The following LMO7 variants were observed in gnomAD, a reference collection of about 807,000 sequenced individuals.
The protein encoded by LMO7 is LIM domain 7.
In LMO7, 120 loss-of-function variants were observed where a neutral mutation model predicts 206.5. The ratio of observed to expected loss-of-function variants is 0.58; its 90% CI spans 0.50 to 0.68. The LOEUF (loss-of-function observed/expected upper bound fraction) is 0.68. LMO7 is among the 30% of genes least tolerant of loss of function. The pLI is 0.00. For synonymous variants in LMO7, 706 were observed against 681.5 expected (o/e 1.04, Z -0.56); for missense variants, 1,959 against 1,957.9 (o/e 1.00, Z -0.01).
chr13:75,636,854 C>G, intron 1 of LMO7, 128 bp downstream of exon 1: 2 of 926,324 alleles, frequency 2.2e-6, no homozygotes, highest in South Asian at 2.8e-5. Context: ...CGTGAACAAG[C>G]TGGTTTGCTT....
intron 1 of LMO7, among the ~76,000 whole-genome samples, chr13:75,645,722 T>C (rs2036948879): frequency 6.6e-6 from 1 of 152,224 alleles, no homozygotes; most frequent in South Asian, 2.1e-4. Flanking sequence ...AAGCATCAGA[T>C]AGAGTTGGTG....
chr13:75,647,951 C>CTTTCTTTTTTTTTT (rs1555286938), intron 1 of LMO7, among the ~76,000 whole-genome samples: 3 of 91,126 alleles, frequency 3.3e-5, no homozygotes, highest in Non-Finnish European at 6.1e-5. Flanking sequence ...TCTTTTCTTT[C>CTTTCTTTTTTTTTT]TTTTTTTTTT....
chr13:75,835,340 GT>G lies in LMO7; in HGVS notation c.3333+2del. The G allele has an allele frequency of 6.3e-7, 1 of 1,588,530 alleles. No homozygotes were observed. Among genetic ancestry groups the G allele is most frequent in the Non-Finnish European group, 8.6e-7 (1 of 1,165,678 alleles). ...TTTCTCCGAAAGCCTTCAGAGTTCT[GT>G]GAGTATTTGGAGAAGTAGGAAGTAC... On this transcript the variant is annotated splice_donor_variant, in intron 18 of 30. Coordinates refer to ENST00000377534, the MANE Select transcript of LMO7 (RefSeq NM_001306080.2). LOFTEE classifies it high-confidence loss of function.
At chr13:75,643,405 C>G (rs1280574109) in intron 1 of LMO7, among the ~76,000 whole-genome samples, 2 of 152,204 alleles carry the variant, frequency 1.3e-5, no homozygotes, top group African/African-American at 4.8e-5. Flanking sequence ...TAGTTAGCAT[C>G]TGCTGATTGA....
chr13:75,646,488 G>A (rs2037020300), intron 1 of LMO7, among the ~76,000 whole-genome samples: 1 of 151,928 alleles, frequency 6.6e-6, no homozygotes, highest in African/African-American at 2.4e-5. Context: ...TCTGTTCCCG[G>A]CTTGCCTATC....
At chr13:75,699,824 G>C (rs1449616559) in intron 1 of LMO7, among the ~76,000 whole-genome samples, 2 of 152,208 alleles carry the variant, frequency 1.3e-5, no homozygotes, top group African/African-American at 2.4e-5. Context: ...GAACTGGTCT[G>C]ACTAGAATTC....
intron 27 of LMO7, among the ~76,000 whole-genome samples, chr13:75,850,432 A>G (rs1312741376): frequency 6.6e-6 from 1 of 152,240 alleles, no homozygotes; most frequent in African/African-American, 2.4e-5. Context: ...GCAAAGGTAC[A>G]TTCAAGGATG....
At chr13:75,673,515 C>T (rs1276511238) in intron 1 of LMO7, among the ~76,000 whole-genome samples, 1 of 152,132 alleles carries the variant, frequency 6.6e-6, no homozygotes, top group East Asian at 1.9e-4. Flanking sequence ...CCAACAGCTA[C>T]CTTGCAACCC....
chr13:75,739,806 A>C (rs2139134817), intron 3 of LMO7, among the ~76,000 whole-genome samples: 1 of 152,272 alleles, frequency 6.6e-6, no homozygotes, highest in South Asian at 2.1e-4. Context: ...TACTTTTCTA[A>C]AAATCATTCT....
At position 75,805,571 on chromosome 13, in the gene LMO7, CAA is replaced by C. The variant is rs1474300478; in HGVS notation, c.1009_1010del (p.Lys337AspfsTer11). ...TCTTGTTATTTGGAAGAGGAAAAAG[CAA>C]AGACAAGAAGCATACCCAACATTGT... On this transcript the variant is annotated frameshift_variant, in exon 9 of 31. Transcript: ENST00000377534. LOFTEE classifies it high-confidence loss of function. 2 of 1,614,006 alleles carry C rather than the reference CAA, an allele frequency of 1.2e-6. No homozygotes were observed. Among genetic ancestry groups the C allele is most frequent in the Admixed American group, 1.7e-5 (1 of 60,034 alleles).
chr13:75,743,476 A>G (rs951184030), intron 3 of LMO7, among the ~76,000 whole-genome samples: 1 of 152,224 alleles, frequency 6.6e-6, no homozygotes, highest in African/African-American at 2.4e-5. Context: ...TAGACTGGAA[A>G]AAGAAAATAT....
At chr13:75,719,663 C>A (rs111944931) in intron 2 of LMO7, among the ~76,000 whole-genome samples, 3 of 152,162 alleles carry the variant, frequency 2.0e-5, no homozygotes, top group African/African-American at 4.8e-5. Context: ...CCTTCTGCCA[C>A]GATTGTAAAT....
At chr13:75,627,669 C>T (rs1405111853) in intron 2 of LMO7, 1 of 151,996 alleles carries the variant, frequency 6.6e-6, no homozygotes, top group Non-Finnish European at 1.5e-5. Context: ...TTTGATTATC[C>T]TTACTAAAGA....
intron 3 of LMO7, among the ~76,000 whole-genome samples, chr13:75,746,149 CT>C (rs2046821257): frequency 6.6e-6 from 1 of 151,942 alleles, no homozygotes; most frequent in African/African-American, 2.4e-5. Flanking sequence ...AATTGAGGGG[CT>C]TTTGCACCAG....
intron 1 of LMO7, among the ~76,000 whole-genome samples, chr13:75,702,676 G>T (rs1447947988): frequency 6.6e-6 from 1 of 152,174 alleles, no homozygotes; most frequent in African/African-American, 2.4e-5. Context: ...ATGCCATTTT[G>T]ACTACAATTT....
intron 3 of LMO7, among the ~76,000 whole-genome samples, chr13:75,729,643 G>A (rs2044911197): frequency 6.6e-6 from 1 of 150,604 alleles, no homozygotes; most frequent in African/African-American, 2.4e-5. Context: ...TAATTGCCCT[G>A]GCCAGAACTT....
intron 3 of LMO7, among the ~76,000 whole-genome samples, chr13:75,732,779 G>T (rs899597477): frequency 6.6e-6 from 1 of 152,106 alleles, no homozygotes; most frequent in Non-Finnish European, 1.5e-5. Flanking sequence ...CTTTGATGAT[G>T]GTGATGTACA....
chr13:75,802,541 A>G (rs1227600064), intron 7 of LMO7, among the ~76,000 whole-genome samples: 1 of 152,228 alleles, frequency 6.6e-6, no homozygotes, highest in Non-Finnish European at 1.5e-5. Flanking sequence ...GGCTTCAGTC[A>G]GTTCAGATGC....
chr13:75,834,516 T>C (rs149149383), intron 17 of LMO7, 129 bp downstream of exon 17: 10,846 of 659,726 alleles, frequency 0.016, 103 homozygotes, highest in Non-Finnish European at 0.02. Flanking sequence ...GTTTTTGTAG[T>C]TACGTCATGA....
Sources: allele counts gnomAD v4.1 joint callset (sites outside exome capture counted in the v4.1 genomes callset), GRCh38; gene constraint gnomAD v4.1.1; transcripts MANE v1.5; gene names NCBI Gene and HGNC (gene_info 2026-07-23, HGNC 2026-07-21).